The following GRIP1 variants were observed in gnomAD, a reference collection of about 807,000 sequenced individuals.
The protein encoded by GRIP1 is glutamate receptor-interacting protein 1.
GRIP1 carries 45 observed loss-of-function variants against 129.9 expected under a neutral mutation model. That is an observed-to-expected ratio of 0.35 (90% CI 0.27 to 0.44). The LOEUF is 0.44. Among genes scored for constraint, GRIP1 ranks in the 20% least tolerant of loss-of-function variants. The pLI is 1.00. For synonymous variants in GRIP1, 530 were observed against 520.8 expected, an observed-to-expected ratio of 1.02 and a Z score of -0.24; for missense variants, 1,196 against 1,396.8, an observed-to-expected ratio of 0.86 and a Z score of 2.29.
chr12:66,510,000 T>G (rs928022157), intron 7 of GRIP1, among the ~76,000 whole-genome samples: 1 of 151,286 alleles, frequency 6.6e-6, no homozygotes, highest in African/African-American at 2.4e-5. Flanking sequence ...TATACTTTTA[T>G]GTTACTTTTC....
intron 2 of GRIP1, among the ~76,000 whole-genome samples, chr12:66,544,753 T>G (rs10748051): frequency 0.38 from 57,709 of 151,886 alleles, 11,030 homozygotes; most frequent in South Asian, 0.45. Flanking sequence ...GGGAGAGAAG[T>G]GGTCAGGAGA....
At chr12:66,545,520 C>T (rs2061921818) in intron 2 of GRIP1, among the ~76,000 whole-genome samples, 1 of 151,938 alleles carries the variant, frequency 6.6e-6, no homozygotes, top group African/African-American at 2.4e-5. Flanking sequence ...AGGTAAAATC[C>T]CTGGAAAAAA....
chr12:66,964,245 A>T (rs10878543), intron 1 of GRIP1, among the ~76,000 whole-genome samples: 42,570 of 152,026 alleles, frequency 0.28, 5,951 homozygotes, highest in Middle Eastern at 0.35. Flanking sequence ...GCCAGGTACT[A>T]TTCTAAGTAG....
intron 15 of GRIP1, among the ~76,000 whole-genome samples, chr12:66,416,967 GAAAAGAAAAAGA>G (rs757241249): frequency 6.6e-6 from 1 of 150,854 alleles, no homozygotes; most frequent in Admixed American, 6.6e-5. Flanking sequence ...ACAAAGAAAA[GAAAAGAAAAAGA>G]AAAAGAAAAA....
intron 1 of GRIP1, among the ~76,000 whole-genome samples, chr12:66,882,156 T>G (rs927150818): frequency 6.9e-6 from 1 of 145,172 alleles, no homozygotes; most frequent in Non-Finnish European, 1.5e-5. Context: ...CAACAGAGAC[T>G]AAACCCTTGA....
At chr12:66,875,760 T>C (rs1472760446) in intron 1 of GRIP1, among the ~76,000 whole-genome samples, 1 of 152,006 alleles carries the variant, frequency 6.6e-6, no homozygotes, top group Non-Finnish European at 1.5e-5. Flanking sequence ...GAAAAAGTAA[T>C]AAGAAAAGAA....
At chr12:66,785,271 C>A (rs1389579018) in intron 1 of GRIP1, among the ~76,000 whole-genome samples, 2 of 147,014 alleles carry the variant, frequency 1.4e-5, no homozygotes, top group East Asian at 2.0e-4. Context: ...CCAGCCTGGG[C>A]AACATGGTGA....
At chr12:66,930,572 T>C (rs990455185) in intron 1 of GRIP1, among the ~76,000 whole-genome samples, 1 of 152,114 alleles carries the variant, frequency 6.6e-6, no homozygotes, top group Non-Finnish European at 1.5e-5. Context: ...AACATACTTG[T>C]GCATGTGTCT....
At chr12:66,941,692 T>C (rs775909009) in intron 1 of GRIP1, among the ~76,000 whole-genome samples, 7 of 152,188 alleles carry the variant, frequency 4.6e-5, no homozygotes, top group Non-Finnish European at 8.8e-5. Context: ...CTTTTCATTT[T>C]CATTTCATAC....
chr12:66,423,446 A>G (rs2057877434), intron 14 of GRIP1, among the ~76,000 whole-genome samples: 2 of 152,208 alleles, frequency 1.3e-5, no homozygotes, highest in East Asian at 1.9e-4. Context: ...ATTTGCCTCT[A>G]TCCTCATTGG....
At chr12:66,768,095 A>G (rs919562074) in intron 1 of GRIP1, among the ~76,000 whole-genome samples, 2 of 152,228 alleles carry the variant, frequency 1.3e-5, no homozygotes, top group Admixed American at 6.5e-5. Context: ...CTATACATCC[A>G]GTGACACTGA....
At chr12:66,932,572 G>A (rs1424425122) in intron 1 of GRIP1, among the ~76,000 whole-genome samples, 1 of 151,008 alleles carries the variant, frequency 6.6e-6, no homozygotes. Context: ...GAGTCTCTTA[G>A]TCAAGTGAGC....
At chr12:66,462,112 T>C (rs2059153557) in intron 9 of GRIP1, among the ~76,000 whole-genome samples, 1 of 152,192 alleles carries the variant, frequency 6.6e-6, no homozygotes, top group South Asian at 2.1e-4. Context: ...GGAGTCAAAA[T>C]ACAGATACCT....
intron 1 of GRIP1, chr12:67,069,021 T>C: frequency 3.0e-4 from 97 of 321,316 alleles, no homozygotes; most frequent in South Asian, 5.1e-4. Context: ...ACCCCTGCCC[T>C]CCCTCCCCGG....
intron 1 of GRIP1, among the ~76,000 whole-genome samples, chr12:66,812,544 C>T (rs184310386): frequency 4.6e-5 from 7 of 152,238 alleles, no homozygotes; most frequent in East Asian, 1.9e-4. Flanking sequence ...ATTTATTATG[C>T]GGTAGGTGTG....
chr12:66,450,061 G>A (rs2058735879), intron 11 of GRIP1, among the ~76,000 whole-genome samples: 1 of 151,994 alleles, frequency 6.6e-6, no homozygotes, highest in African/African-American at 2.4e-5. Flanking sequence ...AGCACTTTGG[G>A]AGGCCGAGTC....
chr12:66,466,558 C>A (rs1233328953), intron 7 of GRIP1, among the ~76,000 whole-genome samples: 1 of 151,528 alleles, frequency 6.6e-6, no homozygotes, highest in Non-Finnish European at 1.5e-5. Flanking sequence ...AGACTAGTTA[C>A]TAAAACTTTC....
chr12:66,406,524 T>C (rs1369571792), intron 15 of GRIP1, 96 bp from the exon 16 acceptor site: 1 of 1,203,684 alleles, frequency 8.3e-7, no homozygotes, highest in African/African-American at 1.5e-5. Flanking sequence ...ATGGTAGTCT[T>C]TAGAGGAAAA....
chr12:66,415,949 G>A (rs1047921373), intron 15 of GRIP1, among the ~76,000 whole-genome samples: 1 of 152,134 alleles, frequency 6.6e-6, no homozygotes, highest in African/African-American at 2.4e-5. Flanking sequence ...AGACCATCAG[G>A]AAGAATAGCT....
Sources: allele counts gnomAD v4.1 joint callset (sites outside exome capture counted in the v4.1 genomes callset), GRCh38; gene constraint gnomAD v4.1.1; transcripts MANE v1.5; gene names NCBI Gene and HGNC (gene_info 2026-07-23, HGNC 2026-07-21).